PTN: variants seen among roughly 807,000 people sequenced by gnomAD.
The protein encoded by PTN is heparin affin regulatory protein.
In PTN, 18 loss-of-function variants were observed where a neutral mutation model predicts 24.1. That is an observed-to-expected ratio of 0.75 (90% CI 0.52 to 1.11). PTN has a LOEUF of 1.11. PTN is among the 50% of genes least tolerant of loss of function. PTN has a pLI of 0.00. For missense variants in PTN, 163 were observed against 198.8 expected, an observed-to-expected ratio of 0.82 and a Z score of 1.08; for synonymous variants, 78 against 68.6, an observed-to-expected ratio of 1.14 and a Z score of -0.67.
intron 1 of PTN, among the ~76,000 whole-genome samples, chr7:137,289,046 C>T (rs1362689059): frequency 6.6e-5 from 10 of 152,112 alleles, no homozygotes; most frequent in Non-Finnish European, 1.3e-4. Context: ...ATTTAATCAT[C>T]GCAATCACCT....
intron 1 of PTN, among the ~76,000 whole-genome samples, chr7:137,275,952 T>C (rs567368887): frequency 6.6e-6 from 1 of 152,320 alleles, no homozygotes; most frequent in African/African-American, 2.4e-5. Context: ...ATGAAGTGAC[T>C]CAATTAAAAA....
chr7:137,325,940 G>A (rs2128882028), intron 1 of PTN: 1 of 152,322 alleles, frequency 6.6e-6, no homozygotes, highest in Non-Finnish European at 1.5e-5. Flanking sequence ...GTTTTCTTGA[G>A]AGCTGATGCA....
intron 4 of PTN, among the ~76,000 whole-genome samples, chr7:137,245,652 T>C (rs968722088): frequency 1.3e-5 from 2 of 152,116 alleles, no homozygotes; most frequent in Admixed American, 1.3e-4. Flanking sequence ...GACAAGTCCT[T>C]CTGGAGGTAT....
intron 1 of PTN, among the ~76,000 whole-genome samples, chr7:137,294,462 A>G (rs946601254): frequency 2.6e-5 from 4 of 152,272 alleles, no homozygotes; most frequent in Middle Eastern, 3.4e-3. Context: ...TGGTCCTGAC[A>G]TGTAAGTTTC....
rs182882059 is a variant in PTN at position 137,319,580 on chromosome 7, T to C, written c.-2+23859A>G. Among the ~76,000 whole-genome samples, 5 of 152,328 alleles carry C rather than the reference T, an allele frequency of 3.3e-5. No individual in the cohort carries two copies. The East Asian group carries it at 9.6e-4, about 29-fold the overall frequency. ...GGCCATTCAGCTTCCTCTATAGTCA[T>C]TGAAATGGAAAACCCAGGATGTCTC... On this transcript the variant is annotated intron_variant, in intron 1 of 4. Transcript: ENST00000348225.
chr7:137,308,884 G>A (rs559746352), intron 1 of PTN, among the ~76,000 whole-genome samples: 2 of 152,240 alleles, frequency 1.3e-5, no homozygotes, highest in South Asian at 4.1e-4. Flanking sequence ...GACCCCTGAC[G>A]GGCCCAGATG....
At chr7:137,330,957 G>A (rs116428958) in intron 1 of PTN, among the ~76,000 whole-genome samples, 1,980 of 152,280 alleles carry the variant, frequency 0.013, 46 homozygotes, top group African/African-American at 0.046. Flanking sequence ...TTTAGTGGCA[G>A]AAGCCTCAAT....
intron 1 of PTN, among the ~76,000 whole-genome samples, chr7:137,320,913 T>C (rs1810152735): frequency 6.6e-6 from 1 of 152,220 alleles, no homozygotes; most frequent in South Asian, 2.1e-4. Flanking sequence ...CCAAGCAAGC[T>C]GGGATTGGAA....
rs372145151 is a variant in PTN at position 137,321,059 on chromosome 7, A to C, written c.-2+22380T>G. Among the ~76,000 whole-genome samples the C allele has an allele frequency of 2.0e-5, 3 of 152,324 alleles. No individual in the cohort carries two copies. In the East Asian group the frequency reaches 5.8e-4, roughly 29 times the overall value. ...CACAGGTGTCCCGTTCAGAGCATCC[A>C]GGCTAATGGACAGTTAAGGAAACGA... On this transcript the variant is annotated intron_variant, in intron 1 of 4. Transcript: ENST00000348225.
intron 2 of PTN, among the ~76,000 whole-genome samples, chr7:137,254,147 A>C (rs1262055633): frequency 6.6e-6 from 1 of 151,924 alleles, no homozygotes; most frequent in Non-Finnish European, 1.5e-5. Flanking sequence ...AAAATACAAA[A>C]ATTAGCTGGG....
chr7:137,311,822 A>G (rs1809987478), intron 1 of PTN, among the ~76,000 whole-genome samples: 1 of 147,152 alleles, frequency 6.8e-6, no homozygotes, highest in South Asian at 2.1e-4. Flanking sequence ...ATAAGGACAT[A>G]ATGGTAATAA....
chr7:137,256,421 G>A (rs1334530816), intron 1 of PTN, among the ~76,000 whole-genome samples: 3 of 152,072 alleles, frequency 2.0e-5, no homozygotes, highest in Non-Finnish European at 4.4e-5. Flanking sequence ...GCGGTGTTTG[G>A]TTTCCTGTTC....
At position 137,251,211 on chromosome 7, in the gene PTN, T is replaced by C. The variant is rs779949142; in HGVS notation, c.451+19A>G. On this transcript the variant is annotated intron_variant, in intron 4 of 4. Coordinates refer to ENST00000348225, the MANE Select transcript of PTN (RefSeq NM_002825.7). ...GTCCATCAATCCATTAAAATTGTGG[T>C]ATAATGGCAAGGACTTACCTTGAGG... is the stretch of plus-strand genomic sequence containing the variant. The C allele has an allele frequency of 4.3e-6, 7 of 1,612,380 alleles. No individual in the cohort carries two copies. Among genetic ancestry groups the C allele is most frequent in the East Asian group, 2.2e-5 (1 of 44,884 alleles).
chr7:137,278,777 T>C (rs559213929), intron 1 of PTN, among the ~76,000 whole-genome samples: 2 of 151,106 alleles, frequency 1.3e-5, no homozygotes, highest in East Asian at 2.0e-4. Flanking sequence ...CCATCTCTAC[T>C]AAAATTACAA....
At chr7:137,318,171 G>T (rs1404876229) in intron 1 of PTN, among the ~76,000 whole-genome samples, 1 of 152,222 alleles carries the variant, frequency 6.6e-6, no homozygotes, top group Non-Finnish European at 1.5e-5. Context: ...GGGAGGCTGA[G>T]GCAGGAGAAT....
chr7:137,302,698 T>C (rs1809825398), intron 1 of PTN, among the ~76,000 whole-genome samples: 2 of 152,000 alleles, frequency 1.3e-5, no homozygotes, highest in Admixed American at 1.3e-4. Flanking sequence ...AATGTAATAG[T>C]GGACTCCATC....
chr7:137,278,498 T>C (rs1452681501), intron 1 of PTN, among the ~76,000 whole-genome samples: 1 of 152,024 alleles, frequency 6.6e-6, no homozygotes, highest in East Asian at 1.9e-4. Flanking sequence ...ATGAGAAAGA[T>C]CGTGTGGCTC....
chr7:137,334,830 T>C (rs1489529105), intron 1 of PTN, among the ~76,000 whole-genome samples: 1 of 151,988 alleles, frequency 6.6e-6, no homozygotes, highest in East Asian at 1.9e-4. Flanking sequence ...TAAGAAAATG[T>C]GGCAAATATA....
At chr7:137,319,793 T>C (rs1433100334) in intron 1 of PTN, among the ~76,000 whole-genome samples, 1 of 152,212 alleles carries the variant, frequency 6.6e-6, no homozygotes, top group East Asian at 1.9e-4. Flanking sequence ...TCCAGCTTCA[T>C]ACAGCTTTGC....
Sources: allele counts gnomAD v4.1 joint callset (sites outside exome capture counted in the v4.1 genomes callset), GRCh38; gene constraint gnomAD v4.1.1; transcripts MANE v1.5; gene names NCBI Gene and HGNC (gene_info 2026-07-23, HGNC 2026-07-21).